ZC3H12B: variants seen among roughly 807,000 people sequenced by gnomAD.
ZC3H12B encodes the protein probable ribonuclease ZC3H12B.
Under a neutral mutation model 43.9 loss-of-function variants are expected in ZC3H12B, and 7 were observed. The observed-to-expected ratio is 0.16, with a 90% confidence interval of 0.09 to 0.30. ZC3H12B has a LOEUF of 0.30. Among genes scored for constraint, ZC3H12B ranks in the 10% least tolerant of loss-of-function variants. ZC3H12B has a pLI of 1.00. For missense variants in ZC3H12B, 475 were observed against 670.2 expected (o/e 0.71, Z 3.22); for synonymous variants, 222 against 241.7 (o/e 0.92, Z 0.76).
At chrX:65,162,764 C>G in the ZC3H12B span, among the ~76,000 whole-genome samples, 1 of 107,464 alleles carries the variant, frequency 9.3e-6, no homozygotes, top group Non-Finnish European at 1.9e-5. Flanking sequence ...TCTTCTCTCA[C>G]CTCGTCAAAG....
chrX:65,102,149 A>G, the ZC3H12B span, among the ~76,000 whole-genome samples: 2 of 112,064 alleles, frequency 1.8e-5, no homozygotes, highest in Admixed American at 9.4e-5. Context: ...GATTAGCTCA[A>G]TAGGTGAAAA....
the ZC3H12B span, among the ~76,000 whole-genome samples, chrX:65,050,443 A>G: frequency 9.0e-6 from 1 of 110,914 alleles, no homozygotes; most frequent in Non-Finnish European, 1.9e-5. Context: ...TATGTTGAAT[A>G]GAAGTGGTGA....
At chrX:65,126,354 T>G in the ZC3H12B span, among the ~76,000 whole-genome samples, 84 of 111,781 alleles carry the variant, frequency 7.5e-4, no homozygotes, top group African/African-American at 2.2e-3. Context: ...CTGAGAAATC[T>G]GCTACTAATC....
intron 3 of ZC3H12B, among the ~76,000 whole-genome samples, chrX:65,425,877 G>A (rs1298505270): frequency 9.0e-6 from 1 of 111,375 alleles, no homozygotes; most frequent in East Asian, 2.8e-4. Context: ...GCTTTACTGA[G>A]GATTTTTGCA....
intron 3 of ZC3H12B, among the ~76,000 whole-genome samples, chrX:65,400,916 G>T (rs761725088): frequency 8.5e-4 from 95 of 111,300 alleles, no homozygotes; most frequent in African/African-American, 3.0e-3. Context: ...CTCAGTATAG[G>T]TGTTTAATCC....
rs747372294 is a variant in ZC3H12B at position 65,389,418 on chromosome X, C to T, written n.296-9175C>T. On this transcript the variant is annotated intron_variant and non_coding_transcript_variant, in intron 2 of 5. Transcript: ENST00000617377. ...CTAGCAGTGAGCGGGGCTCCATGGGCGTAGGACTCTCCAAGCCAGGCACGG... is the reference window on the plus strand; with the variant it reads ...CTAGCAGTGAGCGGGGCTCCATGGGTGTAGGACTCTCCAAGCCAGGCACGG... Among the ~76,000 whole-genome samples, 232 of 112,470 alleles carry T rather than the reference C, an allele frequency of 2.1e-3. 2 individuals carry two copies. The highest frequency in any genetic ancestry group is 3.1e-3 in the Non-Finnish European group (167 of 53,257).
chrX:65,107,673 T>C, the ZC3H12B span, among the ~76,000 whole-genome samples: 5 of 111,093 alleles, frequency 4.5e-5, 1 homozygote, highest in African/African-American at 1.6e-4. Flanking sequence ...TCTCGTGATA[T>C]TGAGTGAGTT....
the ZC3H12B span, among the ~76,000 whole-genome samples, chrX:65,122,302 G>A: frequency 9.0e-6 from 1 of 110,963 alleles, no homozygotes; most frequent in East Asian, 2.9e-4. Context: ...ATAAATGAAG[G>A]AGAAATAAAA....
the ZC3H12B span, among the ~76,000 whole-genome samples, chrX:65,101,033 A>G: frequency 2.7e-5 from 3 of 112,152 alleles, no homozygotes; most frequent in African/African-American, 6.5e-5. Flanking sequence ...AATGGAAATT[A>G]TAACAAACAG....
chrX:65,203,560 TCTAC>T, the ZC3H12B span, among the ~76,000 whole-genome samples: 1 of 109,755 alleles, frequency 9.1e-6, no homozygotes, highest in Non-Finnish European at 1.9e-5. Flanking sequence ...GCCTCAAGTC[TCTAC>T]CTGCTTCCCT....
chrX:65,449,561 G>A (rs1318442537), intron 3 of ZC3H12B, among the ~76,000 whole-genome samples: 1 of 110,711 alleles, frequency 9.0e-6, no homozygotes, highest in Non-Finnish European at 1.9e-5. Context: ...GGAGGTTGCA[G>A]TGAACCAAGA....
At chrX:65,189,433 T>C in the ZC3H12B span, among the ~76,000 whole-genome samples, 1 of 100,393 alleles carries the variant, frequency 1.0e-5, no homozygotes, top group Non-Finnish European at 2.0e-5. Flanking sequence ...AGTGTTCCTA[T>C]TTCTCCACAT....
At chrX:65,435,436 A>G (rs757700636) in intron 3 of ZC3H12B, among the ~76,000 whole-genome samples, 1 of 111,996 alleles carries the variant, frequency 8.9e-6, no homozygotes, top group South Asian at 3.7e-4. Context: ...GTATCTTTAT[A>G]TACAGTTCAT....
chrX:65,185,794 G>A, the ZC3H12B span: 2 of 111,120 alleles, frequency 1.8e-5, no homozygotes, highest in Non-Finnish European at 3.8e-5. Context: ...ACTTCAAGCA[G>A]AATTAATAAA....
At chrX:65,103,490 G>A in the ZC3H12B span, among the ~76,000 whole-genome samples, 1 of 111,320 alleles carries the variant, frequency 9.0e-6, no homozygotes, top group Admixed American at 9.5e-5. Context: ...GTGCTGAGGC[G>A]ACATACATTC....
the ZC3H12B span, among the ~76,000 whole-genome samples, chrX:65,116,102 C>G: frequency 9.0e-6 from 1 of 111,108 alleles, no homozygotes; most frequent in Admixed American, 9.6e-5. Flanking sequence ...CTTTTGGGTT[C>G]TTGGTCATGA....
At chrX:65,374,191 G>T (rs2066312107) in intron 2 of ZC3H12B, among the ~76,000 whole-genome samples, 1 of 77,381 alleles carries the variant, frequency 1.3e-5, no homozygotes, top group African/African-American at 5.3e-5. Flanking sequence ...ATATAGTATA[G>T]TAATATATAT....
intron 1 of ZC3H12B, among the ~76,000 whole-genome samples, chrX:65,491,752 A>G (rs1303328466): frequency 9.3e-6 from 1 of 107,305 alleles, no homozygotes; most frequent in Admixed American, 1.0e-4. Flanking sequence ...ATTTGCTAGT[A>G]TCAGAGAATG....
At chrX:65,189,494 T>A in the ZC3H12B span, among the ~76,000 whole-genome samples, 2 of 108,492 alleles carry the variant, frequency 1.8e-5, no homozygotes, top group East Asian at 5.7e-4. Flanking sequence ...CCATTCTAAA[T>A]GGTGTGAGAT....
Sources: gnomAD v4.1 joint callset for allele counts (sites outside exome capture counted in the v4.1 genomes callset) on GRCh38, gnomAD v4.1.1 for gene constraint, MANE v1.5 for transcripts, NCBI Gene and HGNC (gene_info 2026-07-23, HGNC 2026-07-21) for gene names.